The following TFAP2B variants were observed in gnomAD, a reference collection of about 807,000 sequenced individuals.
TFAP2B encodes the protein transcription factor AP-2-beta.
A neutral mutation model predicts 44.3 loss-of-function variants in TFAP2B; 9 were observed. The ratio of observed to expected loss-of-function variants is 0.20; its 90% CI spans 0.12 to 0.35. TFAP2B has a LOEUF of 0.35. Ranked by LOEUF, TFAP2B falls within the 10% of genes least tolerant of loss-of-function variation. The pLI is 1.00. For missense variants in TFAP2B, 509 were observed against 600.0 expected (o/e 0.85, Z 1.59); for synonymous variants, 270 against 263.8 (o/e 1.02, Z -0.23).
At chr6:50,830,179 C>A in intron 3 of TFAP2B, 2 of 406,064 alleles carry the variant, frequency 4.9e-6, no homozygotes, top group Non-Finnish European at 6.7e-6. Flanking sequence ...TTTAGTTCCT[C>A]CTCCCTTTTC....
chr6:50,843,535 AAAAG>A lies in TFAP2B; in HGVS notation c.*144_*147del. ...CACATACAATCAAAATTTTAAAAAA[AAAAG>A]CTAAATAACTTAAAAAAAAACTGAG... On this transcript the variant is annotated 3_prime_UTR_variant, in exon 7 of 7. Coordinates refer to ENST00000393655, the MANE Select transcript of TFAP2B (RefSeq NM_003221.4). 1.1e-6 allele frequency: 1 copy of A among 919,724 alleles called. No individual in the cohort carries two copies. Among genetic ancestry groups the A allele is most frequent in the Admixed American group, 3.1e-5 (1 of 32,426 alleles). The allele number at this position is 919,724 out of a possible 1,614,324, so 57.0% of individuals were successfully genotyped here.
Position 50,836,123 on chromosome 6 carries a change from A to G in TFAP2B, c.664A>G (p.Met222Val), listed in dbSNP as rs1295952680. 6.2e-7 allele frequency: 1 copy of G among 1,614,018 alleles called. No individual in the cohort carries two copies. The highest frequency in any genetic ancestry group is 1.3e-5 in the African/African-American group (1 of 74,894). The change falls in exon 4 of 7, where the codon ATG becomes GTG. Residue 222 changes from methionine (M) to valine (V), a missense_variant. By Grantham distance (21) the Met-to-Val change is conservative. This residue lies in a region of TFAP2B where 296 missense variants were observed against 308.2 expected (regional missense o/e 0.96). Transcript: ENST00000393655. ...MMNKDGFLGGMSVNTGEVFCS... is the reference protein window; with the variant it reads ...MMNKDGFLGGVSVNTGEVFCS... ...GAATAAAGACGGCTTCCTGGGAGGC[A>G]TGTCTGTCAACACCGGCGAGGTGTT...
In TFAP2B at chr6:50,844,695, T is replaced by C. The variant is rs1762804527; in HGVS notation, c.*1303T>C. 1 of 152,556 alleles carries C rather than the reference T, an allele frequency of 6.6e-6. No homozygotes were observed. Among genetic ancestry groups the C allele is most frequent in the Non-Finnish European group, 1.5e-5 (1 of 68,046 alleles). The allele number at this position is 152,556 out of a possible 1,614,324, so 9.5% of individuals were successfully genotyped here. Reference sequence around the variant, plus strand: ...AGTAAGGATTCTTAGAGCCCTATATTCTAATAGTATTGCCCTGCATTTAAA... The same window carrying C: ...AGTAAGGATTCTTAGAGCCCTATATCCTAATAGTATTGCCCTGCATTTAAA... On this transcript the variant is annotated 3_prime_UTR_variant, in exon 7 of 7. Transcript: ENST00000393655.
intron 3 of TFAP2B, among the ~76,000 whole-genome samples, chr6:50,832,246 ATTC>A (rs1581820224): frequency 1.3e-5 from 2 of 152,178 alleles, no homozygotes; most frequent in Non-Finnish European, 2.9e-5. Flanking sequence ...TAGGTTAGAC[ATTC>A]TTCTTCAACA....
chr6:50,836,424 G>A (rs2113950340), intron 4 of TFAP2B, 144 bp downstream of exon 4: 1 of 791,300 alleles, frequency 1.3e-6, no homozygotes, highest in East Asian at 2.7e-5. Context: ...GGTGGCCGGA[G>A]CATTGCTTTC....
At chr6:50,835,006 C>T (rs1198266183) in intron 3 of TFAP2B, among the ~76,000 whole-genome samples, 1 of 152,178 alleles carries the variant, frequency 6.6e-6, no homozygotes, top group Non-Finnish European at 1.5e-5. Flanking sequence ...ATGGACTGTT[C>T]CTCATTCCCA....
In TFAP2B at chr6:50,846,403, G is replaced by A. The variant is rs1295854327; in HGVS notation, c.*3011G>A. On this transcript the variant is annotated 3_prime_UTR_variant, in exon 7 of 7. Transcript: ENST00000393655. ...CAATAGTTTGCCTTTTAAGTCAAGG[G>A]AGACGTTTAAGGCAAGCCCCTTTGA... 6.6e-6 allele frequency: 1 copy of A among 152,626 alleles called. No homozygotes were observed. Among genetic ancestry groups the A allele is most frequent in the Non-Finnish European group, 1.5e-5 (1 of 68,056 alleles). The allele number at this position is 152,626 out of a possible 1,614,324, so 9.5% of individuals were successfully genotyped here.
intron 6 of TFAP2B, among the ~76,000 whole-genome samples, chr6:50,842,070 G>A (rs1156841706): frequency 6.6e-6 from 1 of 152,334 alleles, no homozygotes; most frequent in Admixed American, 6.5e-5. Context: ...CCCATTGTGG[G>A]TCTAGGACTG....
At chr6:50,819,079 C>A in intron 1 of TFAP2B, 107 bp downstream of exon 1, 1 of 1,174,618 alleles carries the variant, frequency 8.5e-7, no homozygotes, top group Non-Finnish European at 1.2e-6. Flanking sequence ...CGTAGATTTC[C>A]GGTCGGTTTT....
chr6:50,831,501 C>T (rs1016745473), intron 3 of TFAP2B, among the ~76,000 whole-genome samples: 1 of 152,080 alleles, frequency 6.6e-6, no homozygotes, highest in Non-Finnish European at 1.5e-5. Context: ...CTCTCCTAAT[C>T]TAAACCGGCA....
At chr6:50,827,419 T>C (rs1283661353) in intron 2 of TFAP2B, among the ~76,000 whole-genome samples, 1 of 152,228 alleles carries the variant, frequency 6.6e-6, no homozygotes, top group Non-Finnish European at 1.5e-5. Flanking sequence ...AAAGAGTGAC[T>C]ATTAAAAATG....
In TFAP2B at chr6:50,845,035, C is replaced by T. The variant is rs1762817006; in HGVS notation, c.*1643C>T. On this transcript the variant is annotated 3_prime_UTR_variant, in exon 7 of 7. Coordinates refer to ENST00000393655, the MANE Select transcript of TFAP2B (RefSeq NM_003221.4). ...ATTTCTCACTTCTGGCAGCCCAGCT[C>T]CTTTCTTGGGCTCCATCTTAGCATT... 6.6e-6 allele frequency: 1 copy of T among 152,158 alleles called. No homozygotes were observed. Among genetic ancestry groups the T allele is most frequent in the South Asian group, 2.1e-4 (1 of 4,828 alleles). The allele number at this position is 152,158 out of a possible 1,614,324, so 9.4% of individuals were successfully genotyped here. A position where few individuals can be genotyped will look rare whatever the true frequency, so the allele number is the denominator to read the frequency against.
At chr6:50,838,633 A>G (rs1473565485) in intron 5 of TFAP2B, among the ~76,000 whole-genome samples, 1 of 152,152 alleles carries the variant, frequency 6.6e-6, no homozygotes, top group Non-Finnish European at 1.5e-5. Context: ...GGGTGAAGAA[A>G]TATGTAGGGG....
chr6:50,836,324 C>CA, intron 4 of TFAP2B, 44 bp downstream of exon 4: 1 of 1,517,378 alleles, frequency 6.6e-7, no homozygotes, highest in Non-Finnish European at 9.1e-7. Flanking sequence ...AAAAAACAAA[C>CA]AAAAACCCAC....
intron 1 of TFAP2B, chr6:50,822,274 C>T: frequency 2.2e-6 from 2 of 916,080 alleles, no homozygotes; most frequent in South Asian, 1.4e-5. Context: ...TCTCTGTCTT[C>T]CTTTGAGCGC....
chr6:50,827,335 A>G (rs1373565953), intron 2 of TFAP2B, among the ~76,000 whole-genome samples: 2 of 152,234 alleles, frequency 1.3e-5, no homozygotes, highest in Non-Finnish European at 2.9e-5. Flanking sequence ...ATTTCCTAAG[A>G]TGTGCATGGC....
intron 3 of TFAP2B, 45 bp downstream of exon 3, chr6:50,828,724 A>G: frequency 6.3e-7 from 1 of 1,597,588 alleles, no homozygotes; most frequent in South Asian, 1.1e-5. Flanking sequence ...TCTCTCATGC[A>G]TTAACGTCTT....
chr6:50,838,356 G>T (rs552639817), intron 5 of TFAP2B, among the ~76,000 whole-genome samples: 1 of 152,254 alleles, frequency 6.6e-6, no homozygotes, highest in East Asian at 1.9e-4. Context: ...CAAAGCAGGG[G>T]TCACTCCTGC....
At chr6:50,842,982 C>T in intron 6 of TFAP2B, 110 bp from the exon 7 acceptor site, 1 of 1,436,048 alleles carries the variant, frequency 7.0e-7, no homozygotes, top group Non-Finnish European at 9.8e-7. Context: ...CCACATTAGC[C>T]TCGCTCTTCG....
Sources: gnomAD v4.1 joint callset for allele counts (sites outside exome capture counted in the v4.1 genomes callset) on GRCh38, gnomAD v4.1.1 for gene constraint, gnomAD v4.1.1 regional missense constraint, MANE v1.5 for transcripts, NCBI Gene and HGNC (gene_info 2026-07-23, HGNC 2026-07-21) for gene names.